Variants in PHF14 observed in about 807,000 individuals in gnomAD.
PHF14 encodes the protein PHD finger protein 14.
A neutral mutation model predicts 117.9 loss-of-function variants in PHF14; 55 were observed. That is an observed-to-expected ratio of 0.47 (90% CI 0.38 to 0.58). PHF14 has a LOEUF of 0.58. PHF14 is among the 20% of genes least tolerant of loss of function. The pLI is 0.00. For synonymous variants in PHF14, 409 were observed against 368.6 expected (o/e 1.11, Z -1.26); for missense variants, 978 against 1,122.2 (o/e 0.87, Z 1.84).
At chr7:11,071,499 CTTT>C (rs1785610757) in intron 16 of PHF14, among the ~76,000 whole-genome samples, 1 of 151,996 alleles carries the variant, frequency 6.6e-6, no homozygotes, top group African/African-American at 2.4e-5. Flanking sequence ...CAGATATTTC[CTTT>C]TTAAAAAACA....
chr7:11,114,177 G>A (rs1255528637), intron 17 of PHF14, among the ~76,000 whole-genome samples: 1 of 152,074 alleles, frequency 6.6e-6, no homozygotes, highest in Admixed American at 6.6e-5. Context: ...AGTCCAACAA[G>A]TCTTCACTTT....
At chr7:11,161,874 A>G (rs1302766282) in intron 17 of PHF14, among the ~76,000 whole-genome samples, 2 of 150,454 alleles carry the variant, frequency 1.3e-5, no homozygotes, top group African/African-American at 2.4e-5. Flanking sequence ...GCCTCTTAAT[A>G]TAGATTTCTA....
rs139002471 is a variant in PHF14 at position 11,148,997 on chromosome 7, C to G, written c.2773-20419C>G. On this transcript the variant is annotated intron_variant, in intron 17 of 17. Coordinates refer to ENST00000634607, the MANE Select transcript of PHF14 (RefSeq NM_001007157.2). ...TTGTTTATTTAAACCCAAAGTCATTCCTTGAAATAGGGTTTTTTTTTTGTT... is the reference window on the plus strand; with the variant it reads ...TTGTTTATTTAAACCCAAAGTCATTGCTTGAAATAGGGTTTTTTTTTTGTT... Among the ~76,000 whole-genome samples, 810 of 151,982 alleles carry G rather than the reference C, an allele frequency of 5.3e-3. 7 individuals carry two copies. The highest frequency in any genetic ancestry group is 0.013 in the South Asian group (61 of 4,816).
At chr7:11,105,027 T>C in intron 16 of PHF14, 1 of 898,772 alleles carries the variant, frequency 1.1e-6, no homozygotes, top group Non-Finnish European at 1.3e-6. Context: ...TTTTATAAAA[T>C]TTAGTTAAAT....
At chr7:11,011,265 A>G (rs1473460134) in intron 4 of PHF14, among the ~76,000 whole-genome samples, 1 of 152,104 alleles carries the variant, frequency 6.6e-6, no homozygotes, top group Non-Finnish European at 1.5e-5. Context: ...GTATTCATTC[A>G]TTTATATACT....
chr7:11,105,309 A>G, intron 16 of PHF14: 1 of 940,064 alleles, frequency 1.1e-6, no homozygotes, highest in Non-Finnish European at 1.3e-6. Flanking sequence ...TAGACTGCTG[A>G]CCAATAAATA....
At chr7:11,057,433 G>A (rs1785055684) in intron 14 of PHF14, among the ~76,000 whole-genome samples, 1 of 152,016 alleles carries the variant, frequency 6.6e-6, no homozygotes, top group South Asian at 2.1e-4. Flanking sequence ...GGAGTGCAGT[G>A]GTGTGACCTT....
At chr7:11,013,143 CT>C (rs1353559034) in intron 4 of PHF14, among the ~76,000 whole-genome samples, 1 of 151,940 alleles carries the variant, frequency 6.6e-6, no homozygotes, top group Non-Finnish European at 1.5e-5. Flanking sequence ...TTAATGACAA[CT>C]TGTATTTTTT....
chr7:11,066,268 T>G lies in PHF14; in HGVS notation c.2654+4183T>G, dbSNP rs118023399. ...AATATTAGTCTCTCGTTATTCTGAT[T>G]ATAATTTTTTTGTTGTTTGTTTTCG... is the stretch of plus-strand genomic sequence containing the variant. On this transcript the variant is annotated intron_variant, in intron 16 of 17. Transcript: ENST00000634607. Among the ~76,000 whole-genome samples, 851 of 152,292 alleles carry G rather than the reference T, an allele frequency of 5.6e-3. 6 individuals are homozygous for G. Among genetic ancestry groups the G allele is most frequent in the Middle Eastern group, 0.017 (5 of 294 alleles).
intron 5 of PHF14, 44 bp downstream of exon 5, chr7:11,013,950 G>A: frequency 1.4e-6 from 2 of 1,380,260 alleles, no homozygotes; most frequent in Admixed American, 1.9e-5. Flanking sequence ...GCTTTATAAT[G>A]TGTCTGCCTT....
intron 7 of PHF14, among the ~76,000 whole-genome samples, 187 bp downstream of exon 7, chr7:11,029,005 C>T (rs893427192): frequency 2.0e-5 from 3 of 151,968 alleles, no homozygotes; most frequent in Admixed American, 6.6e-5. Context: ...GCTAGTCAGA[C>T]GTTCAGAAAA....
At chr7:11,145,575 A>G (rs1267422921) in intron 17 of PHF14, among the ~76,000 whole-genome samples, 1 of 152,106 alleles carries the variant, frequency 6.6e-6, no homozygotes, top group Non-Finnish European at 1.5e-5. Flanking sequence ...GCATTTTTCC[A>G]GTTTTAACAC....
At chr7:11,106,171 C>A (rs747927280) in intron 16 of PHF14, 8 of 977,760 alleles carry the variant, frequency 8.2e-6, no homozygotes, top group Non-Finnish European at 8.5e-6. Flanking sequence ...TGTAATCTGG[C>A]TGCCACAGAT....
chr7:11,133,348 C>T (rs1182949042), intron 17 of PHF14, among the ~76,000 whole-genome samples: 4 of 151,714 alleles, frequency 2.6e-5, no homozygotes, highest in Admixed American at 2.6e-4. Context: ...TTGTAAAAGA[C>T]AAATAGGTCA....
chr7:11,047,442 G>A (rs183734302), intron 13 of PHF14, among the ~76,000 whole-genome samples: 2 of 151,990 alleles, frequency 1.3e-5, no homozygotes, highest in African/African-American at 2.4e-5. Flanking sequence ...ATTCCATTGG[G>A]TCATCATTCT....
chr7:11,125,640 AC>A lies in PHF14; in HGVS notation c.2772+14174del, dbSNP rs1417496245. On this transcript the variant is annotated intron_variant, in intron 17 of 17. Coordinates refer to ENST00000634607, the MANE Select transcript of PHF14 (RefSeq NM_001007157.2). ...GTCTGTATGTAACTGTTTTTATTCTACTATATTTCCACCTGTGACCTAGCTC... is the reference window on the plus strand; with the variant it reads ...GTCTGTATGTAACTGTTTTTATTCTATATATTTCCACCTGTGACCTAGCTC... 2.0e-5 allele frequency among the ~76,000 whole-genome samples: 3 copies of A among 152,002 alleles called. No individual in the cohort carries two copies. The South Asian group carries it at 6.2e-4, about 31-fold the overall frequency.
chr7:11,140,212 A>G (rs1489475090), intron 17 of PHF14, among the ~76,000 whole-genome samples: 1 of 152,138 alleles, frequency 6.6e-6, no homozygotes, highest in Non-Finnish European at 1.5e-5. Flanking sequence ...AGCCCTACAT[A>G]GCCCGTTATA....
At chr7:11,126,296 T>C (rs551214250) in intron 17 of PHF14, among the ~76,000 whole-genome samples, 1 of 152,214 alleles carries the variant, frequency 6.6e-6, no homozygotes, top group South Asian at 2.1e-4. Context: ...ATTTGCTTAA[T>C]TATTAATTTT....
chr7:11,065,480 A>G (rs984289363), intron 16 of PHF14, among the ~76,000 whole-genome samples: 1 of 152,156 alleles, frequency 6.6e-6, no homozygotes, highest in African/African-American at 2.4e-5. Context: ...TGCTGAATTA[A>G]TAAAAACTGT....
Sources: gnomAD v4.1 joint callset for allele counts (sites outside exome capture counted in the v4.1 genomes callset) on GRCh38, gnomAD v4.1.1 for gene constraint, MANE v1.5 for transcripts, NCBI Gene and HGNC (gene_info 2026-07-23, HGNC 2026-07-21) for gene names.